Variants in MON2 observed in about 807,000 individuals in gnomAD.
The protein encoded by MON2 is MON2 regulator of endosome-to-Golgi trafficking.
MON2 carries 84 observed loss-of-function variants against 208.6 expected under a neutral mutation model. That is an observed-to-expected ratio of 0.40 (90% CI 0.34 to 0.48). The LOEUF is 0.48. Among genes scored for constraint, MON2 ranks in the 20% least tolerant of loss-of-function variants. MON2 has a pLI of 0.59. For missense variants in MON2, 1,611 were observed against 2,015.4 expected (o/e 0.80, Z 3.84); for synonymous variants, 660 against 694.0 (o/e 0.95, Z 0.77).
At chr12:62,565,151 T>G (rs1565691685) in intron 26 of MON2, 86 bp from the exon 27 acceptor site, 19 of 1,317,398 alleles carry the variant, frequency 1.4e-5, no homozygotes, top group Non-Finnish European at 1.4e-5. Flanking sequence ...GTTTTTAAGA[T>G]TCTGTGGTTA....
intron 33 of MON2, among the ~76,000 whole-genome samples, chr12:62,587,077 G>A (rs1484219079): frequency 6.6e-6 from 1 of 152,178 alleles, no homozygotes; most frequent in Non-Finnish European, 1.5e-5. Context: ...ACCAGGAATG[G>A]GGAGGGATGA....
intron 19 of MON2, among the ~76,000 whole-genome samples, chr12:62,541,555 TAGTGGTAATA>T (rs2073244358): frequency 6.6e-6 from 1 of 152,206 alleles, no homozygotes; most frequent in Non-Finnish European, 1.5e-5. Context: ...CTGTGAGATT[TAGTGGTAATA>T]TACCCTTTTA....
intron 4 of MON2, 90 bp downstream of exon 4, chr12:62,495,237 C>T: frequency 4.4e-6 from 5 of 1,137,418 alleles, no homozygotes; most frequent in Non-Finnish European, 6.1e-6. Flanking sequence ...GCCATTTGAA[C>T]CAAAAGCAAC....
chr12:62,547,600 A>G (rs764281305), intron 22 of MON2, among the ~76,000 whole-genome samples: 2 of 152,224 alleles, frequency 1.3e-5, no homozygotes, highest in Non-Finnish European at 2.9e-5. Context: ...TTCTGATTAC[A>G]CAGGTAAATA....
intron 34 of MON2, among the ~76,000 whole-genome samples, chr12:62,591,370 T>C (rs544420515): frequency 6.6e-6 from 1 of 152,306 alleles, no homozygotes; most frequent in Non-Finnish European, 1.5e-5. Flanking sequence ...AAGCCCCTGT[T>C]TGGGGAAAAA....
Position 62,513,743 on chromosome 12 carries a change from G to A in MON2, c.984+5263G>A, listed in dbSNP as rs961131340. On this transcript the variant is annotated intron_variant, in intron 8 of 34. Coordinates refer to ENST00000393630, the MANE Select transcript of MON2 (RefSeq NM_015026.3). The stretch of plus-strand genomic sequence containing the variant: ...AGGCGGGTCATGAGGTCAGGAGATC[G>A]AGACCATCGTGGCTAACATGGTGAA... Among the ~76,000 whole-genome samples the A allele has an allele frequency of 4.9e-5, 6 of 123,224 alleles. No individual in the cohort carries two copies. In the South Asian group the frequency reaches 9.7e-4, roughly 20 times the overall value. 80.8% of individuals were successfully genotyped at this position (123,224 alleles called of 152,430 possible).
At chr12:62,557,925 GA>G (rs1206980194) in intron 25 of MON2, among the ~76,000 whole-genome samples, 2 of 59,484 alleles carry the variant, frequency 3.4e-5, no homozygotes, top group African/African-American at 1.7e-4. Flanking sequence ...AGAACGAATA[GA>G]TTTATATATA....
rs370175705 is a variant in MON2, at chr12:62,467,261, G to T, written c.54G>T (p.Gln18His). 2 of 1,614,030 alleles carry T rather than the reference G, an allele frequency of 1.2e-6. No homozygotes were observed. The highest frequency in any genetic ancestry group is 1.7e-6 in the Non-Finnish European group (2 of 1,180,038). Reference protein sequence around the residue: ...EAVKKLLENMQSDLRALSLEC... With the variant: ...EAVKKLLENMHSDLRALSLEC... ...TGAAGAAGCTGCTGGAGAATATGCA[G>T]AGCGACTTGCGCGCCTTGTCACTGG... is the stretch of plus-strand genomic sequence containing the variant. Residue 18 changes from glutamine (Q) to histidine (H), a missense_variant, in exon 1 of 35, where the codon CAG becomes CAT. By Grantham distance (24) the Gln-to-His change is conservative. Transcript: ENST00000393630.
At chr12:62,587,353 C>A (rs1355053530) in intron 33 of MON2, among the ~76,000 whole-genome samples, 1 of 150,384 alleles carries the variant, frequency 6.6e-6, no homozygotes, top group African/African-American at 2.4e-5. Context: ...TAAGCTTTGG[C>A]AAATCTCTTT....
intron 1 of MON2, 36 bp from the exon 2 acceptor site, chr12:62,484,134 G>GA: frequency 7.0e-7 from 1 of 1,437,192 alleles, no homozygotes; most frequent in Non-Finnish European, 9.7e-7. Flanking sequence ...CATTTTGGCA[G>GA]TAAATTTTGT....
chr12:62,592,813 T>C lies in MON2; in HGVS notation c.*64T>C. ...AAAATGTTTGCTCCTAATTGAGTCT[T>C]CTGTGAGAAGGACATTTCTTACTGC... is the stretch of plus-strand genomic sequence containing the variant. On this transcript the variant is annotated 3_prime_UTR_variant, in exon 35 of 35. Transcript: ENST00000393630. 1 of 1,445,010 alleles carries C rather than the reference T, an allele frequency of 6.9e-7. No homozygotes were observed. The highest frequency in any genetic ancestry group is 9.4e-7 in the Non-Finnish European group (1 of 1,067,296). 89.5% of individuals were successfully genotyped at this position (1,445,010 alleles called of 1,614,324 possible).
intron 26 of MON2, among the ~76,000 whole-genome samples, chr12:62,561,576 T>C (rs1419270996): frequency 6.6e-6 from 1 of 152,146 alleles, no homozygotes; most frequent in African/African-American, 2.4e-5. Flanking sequence ...TAAAGAGATT[T>C]ATTTTTACTG....
intron 25 of MON2, among the ~76,000 whole-genome samples, chr12:62,558,175 T>C (rs1348375774): frequency 6.6e-6 from 1 of 150,966 alleles, no homozygotes; most frequent in Non-Finnish European, 1.5e-5. Flanking sequence ...ACGGGATTTC[T>C]TCATGTTGGT....
chr12:62,498,938 G>A lies in MON2; in HGVS notation c.455G>A (p.Arg152Gln), dbSNP rs2070687736. 1.9e-6 allele frequency: 3 copies of A among 1,601,520 alleles called. No individual in the cohort carries two copies. The highest frequency in any genetic ancestry group is 2.6e-6 in the Non-Finnish European group (3 of 1,174,814). ...TTTCAGGCAATCGTTCTTTGTTTTC[G>A]ACTACACTTCACAAAAGATAATATT... Reference protein sequence around the residue: ...ALSKAIVLCFRLHFTKDNITN... With the variant: ...ALSKAIVLCFQLHFTKDNITN... The change falls in exon 5 of 35, where the codon CGA becomes CAA. Residue 152 changes from arginine to glutamine, a missense_variant. Coordinates refer to ENST00000393630, the MANE Select transcript of MON2 (RefSeq NM_015026.3).
At chr12:62,488,445 A>G (rs148845399) in intron 2 of MON2, among the ~76,000 whole-genome samples, 1 of 152,242 alleles carries the variant, frequency 6.6e-6, no homozygotes, top group African/African-American at 2.4e-5. Context: ...GTGTTGCCTG[A>G]CTGTAGAGTA....
chr12:62,485,211 T>C (rs920739386), intron 2 of MON2, among the ~76,000 whole-genome samples: 1 of 152,244 alleles, frequency 6.6e-6, no homozygotes, highest in Non-Finnish European at 1.5e-5. Flanking sequence ...CTTGCTTCAG[T>C]GATCCTTTAA....
chr12:62,542,992 A>G lies in MON2; in HGVS notation c.2365-105A>G, dbSNP rs878868178. ...AATATAACTTTATACTAACCACTCA[A>G]TTTTAATTTCAGTCATGCTCTTCAG... is the stretch of plus-strand genomic sequence containing the variant. On this transcript the variant is annotated intron_variant, in intron 19 of 34. Coordinates refer to ENST00000393630, the MANE Select transcript of MON2 (RefSeq NM_015026.3). 6.6e-6 allele frequency: 4 copies of G among 606,740 alleles called. No homozygotes were observed. The South Asian group carries it at 7.9e-5, about 12-fold the overall frequency. The allele number at this position is 606,740 out of a possible 1,614,324, so 37.6% of individuals were successfully genotyped here.
chr12:62,526,045 G>A lies in MON2; in HGVS notation c.1343G>A (p.Arg448Lys). ...ACTTTGCTACCAGCATTTGAATATA[G>A]GGGAACCTGGATACCTATTCTGACA... ...GVTLLPAFEY[R>K]GTWIPILTIT... The change falls in exon 11 of 35, where the codon AGG (arginine) becomes AAG (lysine). Residue 448 changes from arginine (R) to lysine (K), a missense_variant. Coordinates refer to ENST00000393630, the MANE Select transcript of MON2 (RefSeq NM_015026.3). 5 of 1,613,884 alleles carry A rather than the reference G, an allele frequency of 3.1e-6. No homozygotes were observed. The highest frequency in any genetic ancestry group is 4.2e-6 in the Non-Finnish European group (5 of 1,179,870).
At chr12:62,481,296 G>A (rs570224689) in intron 1 of MON2, among the ~76,000 whole-genome samples, 37 of 152,282 alleles carry the variant, frequency 2.4e-4, no homozygotes, top group Admixed American at 1.3e-3. Context: ...GGAGGCTGAG[G>A]CGGGCGGATC....
Sources: allele counts gnomAD v4.1 joint callset (sites outside exome capture counted in the v4.1 genomes callset), GRCh38; gene constraint gnomAD v4.1.1; transcripts MANE v1.5; gene names NCBI Gene and HGNC (gene_info 2026-07-23, HGNC 2026-07-21).